The following LRRC28 variants were observed in gnomAD, a reference collection of about 807,000 sequenced individuals.
LRRC28 encodes leucine rich repeat containing 28, also known as leucine-rich repeat-containing protein 28.
In LRRC28, 39 loss-of-function variants were observed where a neutral mutation model predicts 45.7. That is an observed-to-expected ratio of 0.85 (90% CI 0.66 to 1.12). The LOEUF is 1.12. Among genes scored for constraint, LRRC28 ranks in the 50% most tolerant of loss-of-function variants. The pLI is 0.00. For missense variants in LRRC28, 435 were observed against 438.5 expected (o/e 0.99, Z 0.07); for synonymous variants, 206 against 178.8 (o/e 1.15, Z -1.22).
At chr15:99,347,347 C>T (rs1237847101) in intron 6 of LRRC28, among the ~76,000 whole-genome samples, 1 of 152,058 alleles carries the variant, frequency 6.6e-6, no homozygotes, top group African/African-American at 2.4e-5. Context: ...GTAGCTGGGA[C>T]TACAGGTGCC....
At chr15:99,376,309 GGT>G (rs889671994) in intron 9 of LRRC28, among the ~76,000 whole-genome samples, 2 of 151,870 alleles carry the variant, frequency 1.3e-5, no homozygotes, top group Non-Finnish European at 2.9e-5. Flanking sequence ...TTTTGTTATT[GGT>G]TTCTAGTTTG....
At chr15:99,286,496 G>A (rs983767336) in intron 3 of LRRC28, among the ~76,000 whole-genome samples, 5 of 152,156 alleles carry the variant, frequency 3.3e-5, no homozygotes, top group African/African-American at 9.7e-5. Context: ...TTGTTCTCTT[G>A]TCTCTAAATC....
chr15:99,259,340 T>C (rs1260755497), intron 2 of LRRC28: 17 of 1,489,224 alleles, frequency 1.1e-5, no homozygotes, highest in Non-Finnish European at 1.5e-5. Flanking sequence ...GGTTGAATAC[T>C]GCATTCAGGC....
At chr15:99,284,137 A>G (rs1275609235) in intron 3 of LRRC28, among the ~76,000 whole-genome samples, 1 of 152,176 alleles carries the variant, frequency 6.6e-6, no homozygotes, top group Non-Finnish European at 1.5e-5. Flanking sequence ...TCTCTGATCC[A>G]CTTTACCAGT....
chr15:99,328,244 A>G (rs1481873374), intron 5 of LRRC28, among the ~76,000 whole-genome samples: 2 of 152,222 alleles, frequency 1.3e-5, no homozygotes, highest in African/African-American at 2.4e-5. Flanking sequence ...TAATCCTGAA[A>G]GATACAGTCC....
intron 9 of LRRC28, among the ~76,000 whole-genome samples, chr15:99,374,063 AT>A (rs139180239): frequency 2.0e-5 from 3 of 151,960 alleles, no homozygotes; most frequent in Non-Finnish European, 4.4e-5. Context: ...CCCTTTCAGG[AT>A]TTTTTTAGCT....
intron 5 of LRRC28, among the ~76,000 whole-genome samples, chr15:99,311,234 A>G (rs1955398200): frequency 1.3e-5 from 2 of 152,212 alleles, no homozygotes; most frequent in Admixed American, 6.5e-5. Flanking sequence ...ACGTGAGGTC[A>G]GGTGTATAAT....
In LRRC28 at chr15:99,322,498, T is replaced by C. The variant is rs112557335; in HGVS notation, c.386-11425T>C. Among the ~76,000 whole-genome samples the C allele has an allele frequency of 1.4e-4, 21 of 152,278 alleles. 3 individuals are homozygous for C. Among genetic ancestry groups the C allele is most frequent in the African/African-American group, 4.8e-4 (20 of 41,564 alleles). On this transcript the variant is annotated intron_variant, in intron 5 of 9. Transcript: ENST00000301981. ...GGCCCTCACCTACCTTTGTTCTGTA[T>C]TTCTCTCTATTCTATAGAGGGTGTA...
intron 8 of LRRC28, 113 bp downstream of exon 8, chr15:99,361,624 C>T (rs1268921150): frequency 1.9e-6 from 2 of 1,046,316 alleles, no homozygotes; most frequent in Non-Finnish European, 2.7e-6. Flanking sequence ...GTAAAATACA[C>T]ATAACACGAA....
chr15:99,313,908 G>A (rs746515265), intron 5 of LRRC28, among the ~76,000 whole-genome samples: 19 of 152,090 alleles, frequency 1.2e-4, no homozygotes, highest in Non-Finnish European at 2.1e-4. Flanking sequence ...TGGGCTGGGG[G>A]TAGGATGTGA....
At chr15:99,351,604 T>TGG (rs1275294496) in intron 6 of LRRC28, among the ~76,000 whole-genome samples, 3 of 152,224 alleles carry the variant, frequency 2.0e-5, no homozygotes, top group East Asian at 3.9e-4. Flanking sequence ...TTCTGTCTAT[T>TGG]CCTACATCTG....
At chr15:99,342,121 A>G (rs1956534997) in intron 6 of LRRC28, among the ~76,000 whole-genome samples, 1 of 152,200 alleles carries the variant, frequency 6.6e-6, no homozygotes, top group Admixed American at 6.5e-5. Flanking sequence ...ATAAATCTGT[A>G]AATTAGAACT....
chr15:99,262,933 C>T (rs2081237280), intron 2 of LRRC28, among the ~76,000 whole-genome samples: 1 of 151,990 alleles, frequency 6.6e-6, no homozygotes, highest in Non-Finnish European at 1.5e-5. Context: ...TACGGTGAGC[C>T]ACTGTGCCTG....
intron 6 of LRRC28, among the ~76,000 whole-genome samples, chr15:99,349,320 A>G (rs897241397): frequency 5.9e-5 from 9 of 152,182 alleles, no homozygotes; most frequent in African/African-American, 2.2e-4. Flanking sequence ...TGGAGTAAAA[A>G]TGGACTAAAA....
In LRRC28 at chr15:99,375,082, A is replaced by G. The variant is rs1485419891; in HGVS notation, c.1032-10948A>G. Among the ~76,000 whole-genome samples, 8 of 152,334 alleles carry G rather than the reference A, an allele frequency of 5.3e-5. No individual in the cohort carries two copies. In the South Asian group the frequency reaches 1.7e-3, roughly 32 times the overall value. Reference sequence around the variant, plus strand: ...GTAATATAATTTTAATCTGTTAAGTATAATGTGTTAACCCTACTGATAAGC... The same window carrying G: ...GTAATATAATTTTAATCTGTTAAGTGTAATGTGTTAACCCTACTGATAAGC... On this transcript the variant is annotated intron_variant, in intron 9 of 9. Coordinates refer to ENST00000301981, the MANE Select transcript of LRRC28 (RefSeq NM_144598.5).
At position 99,386,478 on chromosome 15, in the gene LRRC28, C is replaced by A. The variant is rs1957994591; in HGVS notation, c.*376C>A. 1 of 51,358 alleles carries A rather than the reference C, an allele frequency of 1.9e-5. No individual in the cohort carries two copies. Among genetic ancestry groups the A allele is most frequent in the South Asian group, 6.3e-4 (1 of 1,590 alleles). The allele number at this position is 51,358 out of a possible 1,614,324, so 3.2% of individuals were successfully genotyped here. A position where few individuals can be genotyped will look rare whatever the true frequency, so the allele number is the denominator to read the frequency against. On this transcript the variant is annotated 3_prime_UTR_variant, in exon 10 of 10. Transcript: ENST00000301981. The stretch of plus-strand genomic sequence containing the variant: ...TACCTTCAGTGATGCTTCCTCTCCT[C>A]TCCCCTCCCTTGCTTTCCCCAGAGA...
At chr15:99,302,550 T>C (rs1461611988) in intron 5 of LRRC28, among the ~76,000 whole-genome samples, 1 of 152,134 alleles carries the variant, frequency 6.6e-6, no homozygotes, top group Non-Finnish European at 1.5e-5. Context: ...CACCAAGCTA[T>C]TGATTTTTTA....
Position 99,377,811 on chromosome 15 carries a change from A to G in LRRC28, c.1032-8219A>G, listed in dbSNP as rs1049237866. The stretch of plus-strand genomic sequence containing the variant: ...TTATTAAATAGGGAATCCTTTCCCC[A>G]TTTCTTGTTTTTGTCAGGTTTGTCA... On this transcript the variant is annotated intron_variant, in intron 9 of 9. Transcript: ENST00000301981. Among the ~76,000 whole-genome samples the G allele has an allele frequency of 1.2e-3, 188 of 152,206 alleles. 1 individual carries two copies. The highest frequency in any genetic ancestry group is 4.0e-3 in the African/African-American group (168 of 41,544).
At chr15:99,333,884 T>A (rs377428226) in intron 5 of LRRC28, 39 bp from the exon 6 acceptor site, 843 of 1,598,154 alleles carry the variant, frequency 5.3e-4, no homozygotes, top group South Asian at 1.3e-3. Flanking sequence ...TTTCAGTTCA[T>A]AAGGATGCAA....
Sources: gnomAD v4.1 joint callset for allele counts (sites outside exome capture counted in the v4.1 genomes callset) on GRCh38, gnomAD v4.1.1 for gene constraint, MANE v1.5 for transcripts, NCBI Gene and HGNC (gene_info 2026-07-23, HGNC 2026-07-21) for gene names.